Variants in GPCPD1 observed in about 807,000 individuals in gnomAD.
GPCPD1 encodes glycerophosphocholine phosphodiesterase 1.
Under a neutral mutation model 89.2 loss-of-function variants are expected in GPCPD1, and 29 were observed. The ratio of observed to expected loss-of-function variants is 0.33; its 90% confidence interval spans 0.24 to 0.44. The LOEUF (loss-of-function observed/expected upper bound fraction) is 0.44. Ranked by LOEUF, GPCPD1 falls within the 20% of genes least tolerant of loss-of-function variation. GPCPD1 has a pLI of 1.00. For synonymous variants in GPCPD1, 258 were observed against 266.3 expected, an observed-to-expected ratio of 0.97 and a Z score of 0.30; for missense variants, 594 against 808.9, an observed-to-expected ratio of 0.73 and a Z score of 3.22.
At chr20:5,585,415 C>T (rs1241347758) in intron 5 of GPCPD1, 2 of 152,046 alleles carry the variant, frequency 1.3e-5, no homozygotes, top group Admixed American at 6.5e-5. Flanking sequence ...TCAATTTTAA[C>T]TTTACCTAGA....
intron 8 of GPCPD1, among the ~76,000 whole-genome samples, chr20:5,576,967 G>T (rs1268653845): frequency 6.6e-6 from 1 of 152,054 alleles, no homozygotes; most frequent in South Asian, 2.1e-4. Flanking sequence ...CACTTTGAGG[G>T]GCCGAGGCAG....
intron 1 of GPCPD1, 76 bp from the exon 2 acceptor site, chr20:5,604,516 A>G (rs2122813404): frequency 2.3e-5 from 14 of 616,880 alleles, no homozygotes; most frequent in Non-Finnish European, 2.6e-5. Context: ...AACAACTTCA[A>G]CCAAGAGCTA....
Position 5,561,461 on chromosome 20 carries a change from T to C in GPCPD1, c.1395+4A>G. 6.5e-7 allele frequency: 1 copy of C among 1,528,144 alleles called. No individual in the cohort carries two copies. The highest frequency in any genetic ancestry group is 9.1e-7 in the Non-Finnish European group (1 of 1,102,930). The allele number at this position is 1,528,144 out of a possible 1,614,324, so 94.7% of individuals were successfully genotyped here. A position where few individuals can be genotyped will look rare whatever the true frequency, so the allele number is the denominator to read the frequency against. On this transcript the variant is annotated splice_donor_region_variant and intron_variant, in intron 16 of 19. Coordinates refer to ENST00000379019, the MANE Select transcript of GPCPD1 (RefSeq NM_019593.5). Reference sequence around the variant, plus strand: ...TAGAATGTGCTGCATAGAGAATTACTTACCCTTTGCTGGCAGATCCATTTT... The same window carrying C: ...TAGAATGTGCTGCATAGAGAATTACCTACCCTTTGCTGGCAGATCCATTTT...
intron 6 of GPCPD1, among the ~76,000 whole-genome samples, chr20:5,581,814 C>CTTTTTATTTTTTTT (rs1978508275): frequency 1.3e-5 from 1 of 75,018 alleles, no homozygotes; most frequent in African/African-American, 7.7e-5. Flanking sequence ...GGGACTTTAA[C>CTTTTTATTTTTTTT]TTTTTTTTTT....
chr20:5,600,079 A>G (rs1033670241), intron 2 of GPCPD1, among the ~76,000 whole-genome samples: 16 of 152,356 alleles, frequency 1.1e-4, no homozygotes, highest in South Asian at 6.2e-4. Context: ...CCAACTGCCA[A>G]TTTGGCTCAA....
In GPCPD1 at chr20:5,566,772, G is replaced by T; in HGVS notation, c.1228C>A (p.Leu410Ile). 6.3e-7 allele frequency: 1 copy of T among 1,578,140 alleles called. No homozygotes were observed. Among genetic ancestry groups the T allele is most frequent in the Non-Finnish European group, 8.7e-7 (1 of 1,147,422 alleles). ...GATTTCAGTGCAGTCACATGAGTGA[G>T]CTAGAAAGCACACAAACAAAATGAA... is the stretch of plus-strand genomic sequence containing the variant. Reference protein sequence around the residue: ...LTFDQLQLLKLTHVTALKSKD... With the variant: ...LTFDQLQLLKITHVTALKSKD... Residue 410 changes from leucine to isoleucine, a missense_variant and splice_region_variant, in exon 14 of 20, where the codon CTC (leucine) becomes ATC (isoleucine). Leu to Ile is a conservative substitution (Grantham distance 5, BLOSUM62 2). Transcript: ENST00000379019.
intron 6 of GPCPD1, among the ~76,000 whole-genome samples, chr20:5,582,011 C>T (rs1275729712): frequency 2.1e-5 from 3 of 145,828 alleles, no homozygotes. Flanking sequence ...GGTGAAACCC[C>T]GTCTCTACTA....
intron 1 of GPCPD1, 43 bp from the exon 2 acceptor site, chr20:5,604,483 G>A (rs1844924943): frequency 1.2e-6 from 1 of 831,226 alleles, no homozygotes; most frequent in South Asian, 1.5e-5. Flanking sequence ...AAAAATATAT[G>A]CCTTAGCTAG....
chr20:5,551,714 T>C (rs1449161388), intron 19 of GPCPD1, among the ~76,000 whole-genome samples: 1 of 152,036 alleles, frequency 6.6e-6, no homozygotes, highest in Admixed American at 6.6e-5. Flanking sequence ...CAGGTTGCAG[T>C]GAGCCGAGAC....
chr20:5,553,322 G>A (rs148529552), intron 19 of GPCPD1, among the ~76,000 whole-genome samples: 1 of 152,220 alleles, frequency 6.6e-6, no homozygotes, highest in African/African-American at 2.4e-5. Flanking sequence ...AGTGTGTTCT[G>A]ACTGCTCCAC....
At chr20:5,550,501 A>G (rs1985345255) in intron 19 of GPCPD1, among the ~76,000 whole-genome samples, 1 of 152,208 alleles carries the variant, frequency 6.6e-6, no homozygotes. Context: ...AAGTGGGCAA[A>G]GCCAGACCCA....
Position 5,566,759 on chromosome 20 carries a change from G to A in GPCPD1, c.1241C>T (p.Thr414Ile), listed in dbSNP as rs979025696. ...TTTCCGATCCTTAGATTTCAGTGCA[G>A]TCACATGAGTGAGCTAGAAAGCACA... The part of the protein sequence containing the change: ...QLQLLKLTHV[T>I]ALKSKDRKES... Residue 414 changes from threonine to isoleucine, a missense_variant, in exon 14 of 20, where the codon ACT (threonine) becomes ATT (isoleucine). Physicochemically the swap from Thr to Ile is moderately conservative, Grantham distance 89. Transcript: ENST00000379019. 5 of 1,586,626 alleles carry A rather than the reference G, an allele frequency of 3.2e-6. No individual in the cohort carries two copies. In the African/African-American group the frequency reaches 5.4e-5, roughly 17 times the overall value.
chr20:5,601,581 T>C (rs1315857070), intron 2 of GPCPD1, among the ~76,000 whole-genome samples: 2 of 152,026 alleles, frequency 1.3e-5, no homozygotes, highest in East Asian at 1.9e-4. Flanking sequence ...GTTGGTCCAG[T>C]TGGTCTCAAA....
At chr20:5,591,838 C>T (rs1173759999) in intron 4 of GPCPD1, among the ~76,000 whole-genome samples, 1 of 152,166 alleles carries the variant, frequency 6.6e-6, no homozygotes, top group Non-Finnish European at 1.5e-5. Flanking sequence ...ACATACTTAC[C>T]ATGGCAGCCC....
intron 19 of GPCPD1, among the ~76,000 whole-genome samples, chr20:5,551,888 C>G (rs994017918): frequency 2.0e-5 from 3 of 152,194 alleles, no homozygotes; most frequent in Non-Finnish European, 4.4e-5. Flanking sequence ...CACACACTCT[C>G]ACCACACCTC....
At position 5,548,886 on chromosome 20, in the gene GPCPD1, G is replaced by A; in HGVS notation, c.1830-1036C>T. On this transcript the variant is annotated intron_variant, in intron 19 of 19. Coordinates refer to ENST00000379019, the MANE Select transcript of GPCPD1 (RefSeq NM_019593.5). ...CCTACTCCTAATCCCCCTGTGAAGA[G>A]GAGAAAACAGAATCTAATCAGGAGG... is the stretch of plus-strand genomic sequence containing the variant. The A allele has an allele frequency of 4.8e-6, 5 of 1,035,298 alleles. No homozygotes were observed. In the South Asian group the frequency reaches 8.7e-5, roughly 18 times the overall value. The allele number at this position is 1,035,298 out of a possible 1,614,324, so 64.1% of individuals were successfully genotyped here.
chr20:5,551,226 G>A (rs1475570967), intron 19 of GPCPD1, among the ~76,000 whole-genome samples: 1 of 152,132 alleles, frequency 6.6e-6, no homozygotes, highest in Non-Finnish European at 1.5e-5. Flanking sequence ...AGACCTAGCG[G>A]GTCACACAAA....
At chr20:5,585,048 A>C (rs1568667106) in intron 5 of GPCPD1, 1 of 152,352 alleles carries the variant, frequency 6.6e-6, no homozygotes, top group East Asian at 1.9e-4. Context: ...CACAGCTTTT[A>C]AGTTCAAAAG....
At chr20:5,556,392 G>C (rs2064713) in intron 19 of GPCPD1, among the ~76,000 whole-genome samples, 37,567 of 152,034 alleles carry the variant, frequency 0.25, 5,104 homozygotes, top group East Asian at 0.43. Context: ...TTTTAGTAGA[G>C]ACAGGGTTTC....
Sources: allele counts gnomAD v4.1 joint callset (sites outside exome capture counted in the v4.1 genomes callset), GRCh38; gene constraint gnomAD v4.1.1; transcripts MANE v1.5; gene names NCBI Gene and HGNC (gene_info 2026-07-23, HGNC 2026-07-21).